PLXNC1: variants seen among roughly 807,000 people sequenced by gnomAD.
PLXNC1 encodes plexin-C1.
PLXNC1 carries 75 observed loss-of-function variants against 178.2 expected under a neutral mutation model. The observed-to-expected ratio is 0.42, with a 90% CI of 0.35 to 0.51. The LOEUF (loss-of-function observed/expected upper bound fraction) is 0.51. PLXNC1 is among the 20% of genes least tolerant of loss of function. The probability of loss-of-function intolerance (pLI) is 0.02; values close to 1 mark genes in which losing one functional copy is unlikely to be tolerated. For synonymous variants in PLXNC1, 790 were observed against 779.9 expected (o/e 1.01, Z -0.22); for missense variants, 1,503 against 1,984.4 (o/e 0.76, Z 4.61).
chr12:94,248,783 A>G (rs905849626), intron 14 of PLXNC1, among the ~76,000 whole-genome samples: 4 of 152,124 alleles, frequency 2.6e-5, no homozygotes, highest in African/African-American at 9.7e-5. Flanking sequence ...CAGAAACCCA[A>G]AACAAACAAG....
chr12:94,297,046 A>G (rs1968000651), intron 24 of PLXNC1, 143 bp from the exon 25 acceptor site: 1 of 728,940 alleles, frequency 1.4e-6, no homozygotes, highest in South Asian at 1.7e-5. Flanking sequence ...CAGGGGGAAA[A>G]ATGTAGCTAT....
Position 94,280,187 on chromosome 12 carries a change from C to T in PLXNC1, c.3775+538C>T, listed in dbSNP as rs568790174. 2.8e-5 allele frequency: 6 copies of T among 216,792 alleles called. No individual in the cohort carries two copies. In the East Asian group the frequency reaches 5.1e-4, roughly 18 times the overall value. 13.4% of individuals were successfully genotyped at this position (216,792 alleles called of 1,614,324 possible). On this transcript the variant is annotated intron_variant, in intron 22 of 30. Coordinates refer to ENST00000258526, the MANE Select transcript of PLXNC1 (RefSeq NM_005761.3). ...GCAGCATCTGCTATGAATTCATTTTCGGGCTCTACTGGTATACTGCAAAGG... is the reference window on the plus strand; with the variant it reads ...GCAGCATCTGCTATGAATTCATTTTTGGGCTCTACTGGTATACTGCAAAGG...
At chr12:94,304,858 C>T (rs1362554731) in intron 30 of PLXNC1, among the ~76,000 whole-genome samples, 3 of 152,196 alleles carry the variant, frequency 2.0e-5, no homozygotes, top group South Asian at 2.1e-4. Flanking sequence ...GAAATACTTG[C>T]CTGCATGTTG....
Position 94,297,330 on chromosome 12 carries a change from G to T in PLXNC1, c.3981G>T (p.Ser1327=). ...DDHCHLILPD[S]EAFQDVQGKR... Reference sequence around the variant, plus strand: ...CTTCCCTTCAGATTTTACCAGATTCGGAAGCATTCCAAGATGTGCAAGGAA... The same window carrying T: ...CTTCCCTTCAGATTTTACCAGATTCTGAAGCATTCCAAGATGTGCAAGGAA... Residue 1327 remains serine, a synonymous_variant, in exon 26 of 31, where the codon TCG becomes TCT. Coordinates refer to ENST00000258526, the MANE Select transcript of PLXNC1 (RefSeq NM_005761.3). 6.2e-7 allele frequency: 1 copy of T among 1,613,822 alleles called. No homozygotes were observed. The highest frequency in any genetic ancestry group is 8.5e-7 in the Non-Finnish European group (1 of 1,179,812).
intron 1 of PLXNC1, among the ~76,000 whole-genome samples, chr12:94,153,678 TC>T (rs750519859): frequency 6.6e-6 from 1 of 152,234 alleles, no homozygotes; most frequent in Non-Finnish European, 1.5e-5. Context: ...TAGTACGTTT[TC>T]CTGCAGTATT....
chr12:94,232,153 C>T (rs1964120098), intron 9 of PLXNC1, among the ~76,000 whole-genome samples: 1 of 152,112 alleles, frequency 6.6e-6, no homozygotes, highest in Non-Finnish European at 1.5e-5. Flanking sequence ...GTGGCACAAT[C>T]TCGGCTCACT....
At chr12:94,219,803 T>TTTTTTTTATTTATTTATTTG (rs1555200397) in intron 5 of PLXNC1, among the ~76,000 whole-genome samples, 1 of 116,396 alleles carries the variant, frequency 8.6e-6, no homozygotes, top group Admixed American at 8.7e-5. Context: ...TCTTTTATAT[T>TTTTTTTTATTTATTTATTTG]TTTATTTATT....
intron 7 of PLXNC1, 84 bp downstream of exon 7, chr12:94,224,399 C>T (rs1963883239): frequency 3.6e-6 from 3 of 843,710 alleles, no homozygotes; most frequent in Non-Finnish European, 6.1e-6. Flanking sequence ...CTAAAGAACT[C>T]TTTTGTGAGA....
chr12:94,268,655 C>A (rs138384186), intron 21 of PLXNC1, among the ~76,000 whole-genome samples: 1 of 133,168 alleles, frequency 7.5e-6, no homozygotes. Context: ...AGTGCAGTGG[C>A]GCAGTCTTGG....
intron 17 of PLXNC1, among the ~76,000 whole-genome samples, chr12:94,256,792 A>T (rs1255952827): frequency 6.6e-6 from 1 of 151,950 alleles, no homozygotes; most frequent in Non-Finnish European, 1.5e-5. Context: ...GGTAATCAAG[A>T]ACAAGATAGA....
chr12:94,277,890 C>A, intron 21 of PLXNC1: 1 of 455,102 alleles, frequency 2.2e-6, no homozygotes. Context: ...GTTATTACAC[C>A]CATTTTTAAG....
rs576093057 is a variant in PLXNC1 at position 94,244,359 on chromosome 12, A to G, written c.2388+334A>G. 2.6e-5 allele frequency among the ~76,000 whole-genome samples: 4 copies of G among 152,354 alleles called. No homozygotes were observed. In the South Asian group the frequency reaches 8.3e-4, roughly 32 times the overall value. ...GCTCCGTGAATGGTTAAGGTGTGAT[A>G]TAAAGAATTGCATTTCTGTGAAGAG... is the stretch of plus-strand genomic sequence containing the variant. On this transcript the variant is annotated intron_variant, in intron 12 of 30. Coordinates refer to ENST00000258526, the MANE Select transcript of PLXNC1 (RefSeq NM_005761.3).
At chr12:94,251,083 TA>T (rs1964671664) in intron 14 of PLXNC1, among the ~76,000 whole-genome samples, 1 of 105,690 alleles carries the variant, frequency 9.5e-6, no homozygotes, top group Admixed American at 1.2e-4. Context: ...TTCCTTAGAA[TA>T]AAGGGCAGGC....
chr12:94,185,586 A>G (rs1199120517), intron 3 of PLXNC1, among the ~76,000 whole-genome samples: 2 of 152,146 alleles, frequency 1.3e-5, no homozygotes, highest in Non-Finnish European at 2.9e-5. Context: ...GTTTCCTGAC[A>G]ATGGCAAGAG....
intron 2 of PLXNC1, among the ~76,000 whole-genome samples, chr12:94,177,511 GAA>G (rs534124530): frequency 4.8e-5 from 7 of 146,642 alleles, no homozygotes; most frequent in South Asian, 4.3e-4. Context: ...AACAAAGAAA[GAA>G]AGAGAGAGAG....
intron 4 of PLXNC1, among the ~76,000 whole-genome samples, chr12:94,205,995 C>G (rs1292765098): frequency 6.6e-6 from 1 of 152,226 alleles, no homozygotes; most frequent in Non-Finnish European, 1.5e-5. Flanking sequence ...CTCTGAGCTT[C>G]TGTTTCATCC....
chr12:94,283,643 T>C (rs1966616908), intron 23 of PLXNC1, among the ~76,000 whole-genome samples: 1 of 152,182 alleles, frequency 6.6e-6, no homozygotes. Flanking sequence ...GGGAAGCCAG[T>C]GAGCCAGGAG....
intron 1 of PLXNC1, among the ~76,000 whole-genome samples, chr12:94,150,589 C>G (rs1039177460): frequency 6.6e-6 from 1 of 152,242 alleles, no homozygotes; most frequent in African/African-American, 2.4e-5. Context: ...GTTGCTAGCC[C>G]GCTCAGCGTG....
intron 4 of PLXNC1, among the ~76,000 whole-genome samples, chr12:94,200,214 T>C (rs959943895): frequency 1.1e-4 from 16 of 152,242 alleles, no homozygotes; most frequent in Non-Finnish European, 1.9e-4. Context: ...ATTAAGAACA[T>C]CCCTTTTAGT....
Sources: allele counts gnomAD v4.1 joint callset (sites outside exome capture counted in the v4.1 genomes callset), GRCh38; gene constraint gnomAD v4.1.1; transcripts MANE v1.5; gene names NCBI Gene and HGNC (gene_info 2026-07-23, HGNC 2026-07-21).